GABRB3: variants seen among roughly 807,000 people sequenced by gnomAD.
GABRB3 encodes the protein gamma-aminobutyric acid receptor subunit beta-3.
In GABRB3, 14 loss-of-function variants were observed where a neutral mutation model predicts 52.1. The observed-to-expected ratio is 0.27, with a 90% confidence interval of 0.18 to 0.42. The LOEUF is 0.42. Among genes scored for constraint, GABRB3 ranks in the 10% least tolerant of loss-of-function variants. GABRB3 has a pLI of 1.00. For synonymous variants in GABRB3, 260 were observed against 232.3 expected (o/e 1.12, Z -1.08); for missense variants, 307 against 609.1 (o/e 0.50, Z 5.22).
chr15:26,630,763 T>C (rs1461717010), intron 3 of GABRB3, among the ~76,000 whole-genome samples: 1 of 152,156 alleles, frequency 6.6e-6, no homozygotes, highest in East Asian at 1.9e-4. Context: ...GAAAATACAA[T>C]CTCTCTCAGT....
chr15:26,603,287 G>A (rs1891654728), intron 4 of GABRB3, among the ~76,000 whole-genome samples: 1 of 151,934 alleles, frequency 6.6e-6, no homozygotes. Flanking sequence ...GTAAAGAAAA[G>A]CCTGGGACCC....
chr15:26,608,805 T>C (rs1891940216), intron 4 of GABRB3, among the ~76,000 whole-genome samples: 1 of 152,144 alleles, frequency 6.6e-6, no homozygotes, highest in Non-Finnish European at 1.5e-5. Flanking sequence ...AGATAAGTGT[T>C]GGCAAGGATG....
chr15:26,761,328 G>A (rs748859698), intron 3 of GABRB3, among the ~76,000 whole-genome samples: 3 of 151,850 alleles, frequency 2.0e-5, no homozygotes, highest in Non-Finnish European at 2.9e-5. Context: ...CCGGGAGTCT[G>A]AGGTTGCAGT....
At position 26,547,755 on chromosome 15, in the gene GABRB3, G is replaced by A; in HGVS notation, c.*38C>T. On this transcript the variant is annotated 3_prime_UTR_variant, in exon 9 of 9. Transcript: ENST00000311550. ...GACAGGCAGAGTAATATTTCACTCA[G>A]TGTTAAATGAAGTCTTTGAAAAATC... 4 of 1,529,098 alleles carry A rather than the reference G, an allele frequency of 2.6e-6. No individual in the cohort carries two copies. The highest frequency in any genetic ancestry group is 3.6e-6 in the Non-Finnish European group (4 of 1,103,380). 94.7% of individuals were successfully genotyped at this position (1,529,098 alleles called of 1,614,324 possible). A position where few individuals can be genotyped will look rare whatever the true frequency, so the allele number is the denominator to read the frequency against.
chr15:26,772,458 A>G lies in GABRB3; in HGVS notation c.184T>C (p.Cys62Arg). 1 of 1,610,790 alleles carries G rather than the reference A, an allele frequency of 6.2e-7. No homozygotes were observed. The highest frequency in any genetic ancestry group is 2.2e-5 in the East Asian group (1 of 44,742). The change falls in exon 3 of 9, where the codon TGC becomes CGC. Residue 62 changes from cysteine to arginine, a missense_variant. Around this residue, in one of 6 missense-constraint regions of GABRB3, gnomAD observed 90 missense variants for 86.4 expected, o/e 1.04. Transcript: ENST00000311550. ...GCGATGTCGATGTTCATCCCCACGCAGACCGGGGGACCTGCGGGAAGCACA... is the reference window on the plus strand; with the variant it reads ...GCGATGTCGATGTTCATCCCCACGCGGACCGGGGGACCTGCGGGAAGCACA... Reference protein sequence around the residue: ...LRPDFGGPPVCVGMNIDIASI... With the variant: ...LRPDFGGPPVRVGMNIDIASI...
chr15:26,701,624 T>G (rs1888938876), intron 3 of GABRB3, among the ~76,000 whole-genome samples: 2 of 152,222 alleles, frequency 1.3e-5, no homozygotes, highest in African/African-American at 4.8e-5. Context: ...GTTCACAGGT[T>G]AGAAAACTCA....
chr15:26,589,345 T>C (rs1042116475), intron 4 of GABRB3, among the ~76,000 whole-genome samples: 1 of 152,192 alleles, frequency 6.6e-6, no homozygotes, highest in Non-Finnish European at 1.5e-5. Context: ...GACTTAGGTA[T>C]AAAAGTGCTC....
chr15:26,761,778 A>G (rs934652132), intron 3 of GABRB3, among the ~76,000 whole-genome samples: 2 of 152,088 alleles, frequency 1.3e-5, no homozygotes, highest in African/African-American at 4.8e-5. Flanking sequence ...TTAAGCTACT[A>G]TTGTTGACGC....
Position 26,644,190 on chromosome 15 carries a change from T to C in GABRB3, c.241-22656A>G, listed in dbSNP as rs147459332. Among the ~76,000 whole-genome samples the C allele has an allele frequency of 6.8e-4, 103 of 152,330 alleles. No individual in the cohort carries two copies. The East Asian group carries it at 0.017, about 25-fold the overall frequency. Reference sequence around the variant, plus strand: ...TTTTATTTGGAAAGCCTTGAGAAGATACTGCACATTTTTGGGTTTGCACTA... The same window carrying C: ...TTTTATTTGGAAAGCCTTGAGAAGACACTGCACATTTTTGGGTTTGCACTA... On this transcript the variant is annotated intron_variant, in intron 3 of 8. Coordinates refer to ENST00000311550, the MANE Select transcript of GABRB3 (RefSeq NM_000814.6).
chr15:26,616,387 T>C (rs1173261200), intron 4 of GABRB3, among the ~76,000 whole-genome samples: 3 of 152,214 alleles, frequency 2.0e-5, no homozygotes, highest in African/African-American at 7.2e-5. Flanking sequence ...AGCTACATGT[T>C]TTTTAAATAT....
upstream of GABRB3, among the ~76,000 whole-genome samples, chr15:26,773,445 TGTCGGCA>T (rs1403116482): frequency 4.6e-5 from 7 of 151,336 alleles, no homozygotes; most frequent in South Asian, 4.2e-4. Context: ...GTGCGGGGAC[TGTCGGCA>T]GCCTCGGCGC....
At chr15:26,591,648 G>A (rs777459727) in intron 4 of GABRB3, among the ~76,000 whole-genome samples, 2 of 152,134 alleles carry the variant, frequency 1.3e-5, no homozygotes, top group South Asian at 2.1e-4. Flanking sequence ...GGACTACACC[G>A]CAGGTTCAAC....
chr15:26,640,710 TC>T (rs1893178842), intron 3 of GABRB3, among the ~76,000 whole-genome samples: 1 of 152,202 alleles, frequency 6.6e-6, no homozygotes, highest in South Asian at 2.1e-4. Flanking sequence ...ATTCAAAGTG[TC>T]CTTTATGTTT....
intron 3 of GABRB3, among the ~76,000 whole-genome samples, chr15:26,677,908 A>C (rs1193341604): frequency 6.6e-6 from 1 of 152,218 alleles, no homozygotes; most frequent in East Asian, 1.9e-4. Flanking sequence ...CTCCAGAAAC[A>C]CATGAAGCAG....
At chr15:26,674,400 CAAAAAAA>C (rs55723767) in intron 3 of GABRB3, among the ~76,000 whole-genome samples, 24 of 86,760 alleles carry the variant, frequency 2.8e-4, no homozygotes, top group Non-Finnish European at 3.8e-4. Flanking sequence ...GACTCAGTTT[CAAAAAAA>C]AAAAAAAAAA....
At chr15:26,773,654 T>A (rs1302048292), upstream of GABRB3, 3 of 1,566,122 alleles carry the variant, frequency 1.9e-6, no homozygotes, top group Middle Eastern at 1.8e-4. Flanking sequence ...CCTGCGGGGC[T>A]CAGAGCCTCG....
At chr15:26,715,579 T>C (rs1413753548) in intron 3 of GABRB3, among the ~76,000 whole-genome samples, 5 of 152,188 alleles carry the variant, frequency 3.3e-5, no homozygotes, top group Non-Finnish European at 7.3e-5. Context: ...TTGAAGAAAT[T>C]ATGAAATAAT....
rs1374504568 is a variant in GABRB3, at chr15:26,583,369, G to C, written c.507C>G (p.Pro169=). ...CCAGAGTGCAGTTCTGCTCGTCCAG[G>C]GGGTATCTCCTGAGGTCCATCATGC... ...AACMMDLRRY[P]LDEQNCTLEI... is the part of the protein sequence containing the mutation. Residue 169 remains proline, a synonymous_variant, in exon 5 of 9, where the codon CCC becomes CCG. Transcript: ENST00000311550. 1.2e-6 allele frequency: 2 copies of C among 1,614,020 alleles called. No homozygotes were observed. The highest frequency in any genetic ancestry group is 1.7e-6 in the Non-Finnish European group (2 of 1,179,940).
At chr15:26,701,625 A>T (rs1232717628) in intron 3 of GABRB3, among the ~76,000 whole-genome samples, 1 of 152,236 alleles carries the variant, frequency 6.6e-6, no homozygotes, top group Non-Finnish European at 1.5e-5. Context: ...TTCACAGGTT[A>T]GAAAACTCAT....
Sources: gnomAD v4.1 joint callset for allele counts (sites outside exome capture counted in the v4.1 genomes callset) on GRCh38, gnomAD v4.1.1 for gene constraint, gnomAD v4.1.1 regional missense constraint, MANE v1.5 for transcripts, NCBI Gene and HGNC (gene_info 2026-07-23, HGNC 2026-07-21) for gene names.